Variants in NKAIN3 observed in about 807,000 individuals in gnomAD.
NKAIN3 encodes sodium/potassium transporting ATPase interacting 3, also known as sodium/potassium-transporting ATPase subunit beta-1-interacting protein 3.
A neutral mutation model predicts 30.2 loss-of-function variants in NKAIN3; 25 were observed. The observed-to-expected ratio is 0.83, with a 90% confidence interval of 0.60 to 1.16. The LOEUF is 1.16. NKAIN3 is among the 50% of genes most tolerant of loss of function. NKAIN3 has a pLI of 0.00. For synonymous variants in NKAIN3, 91 were observed against 89.6 expected, an observed-to-expected ratio of 1.02 and a Z score of -0.09; for missense variants, 225 against 254.1, an observed-to-expected ratio of 0.89 and a Z score of 0.78.
chr8:62,813,759 G>T (rs4554459), intron 4 of NKAIN3, among the ~76,000 whole-genome samples: 14,042 of 151,816 alleles, frequency 0.092, 674 homozygotes, highest in African/African-American at 0.1. Context: ...CTTCATAACT[G>T]GGCACGTTTT....
rs985260349 is a variant in NKAIN3, at chr8:62,978,812, G to A, written c.*13405G>A. 9.1e-5 allele frequency: 14 copies of A among 154,050 alleles called. No individual in the cohort carries two copies. The highest frequency in any genetic ancestry group is 1.8e-4 in the Non-Finnish European group (12 of 68,238). 9.5% of individuals were successfully genotyped at this position (154,050 alleles called of 1,614,324 possible). The stretch of plus-strand genomic sequence containing the variant: ...CAGTGTCTGCCCAAATGGCCACTCA[G>A]TTTTGTGCTTGAAATCCAGGGCCCT... On this transcript the variant is annotated 3_prime_UTR_variant, in exon 7 of 7. Transcript: ENST00000623646.
At chr8:62,766,937 T>G (rs1259946632) in intron 4 of NKAIN3, among the ~76,000 whole-genome samples, 1 of 136,832 alleles carries the variant, frequency 7.3e-6, no homozygotes, top group Non-Finnish European at 1.6e-5. Context: ...AGCATCACAG[T>G]AGCCAGTATG....
chr8:62,751,813 AC>A (rs1481599613), intron 4 of NKAIN3, among the ~76,000 whole-genome samples: 1 of 110,192 alleles, frequency 9.1e-6, no homozygotes, highest in African/African-American at 5.2e-5. Flanking sequence ...ATACTAAAAA[AC>A]TGTGTGTGTG....
chr8:62,310,114 T>C (rs1814380074), intron 1 of NKAIN3, among the ~76,000 whole-genome samples: 1 of 150,600 alleles, frequency 6.6e-6, no homozygotes, highest in South Asian at 2.1e-4. Context: ...TCATCTATTT[T>C]CAACTGCCTC....
chr8:62,988,233 C>T (rs1824243778), downstream of NKAIN3, among the ~76,000 whole-genome samples: 1 of 152,166 alleles, frequency 6.6e-6, no homozygotes, highest in Non-Finnish European at 1.5e-5. Flanking sequence ...TTTCCAGATG[C>T]ACAGTGCAAT....
intron 1 of NKAIN3, among the ~76,000 whole-genome samples, chr8:62,576,468 G>C (rs827681): frequency 0.9 from 137,371 of 152,032 alleles, 62,349 homozygotes; most frequent in African/African-American, 0.98. Flanking sequence ...AGTCCTCTAC[G>C]CTTCTGCCCT....
chr8:62,309,671 A>G (rs1207864068), intron 1 of NKAIN3, among the ~76,000 whole-genome samples: 1 of 150,360 alleles, frequency 6.7e-6, no homozygotes, highest in Non-Finnish European at 1.5e-5. Context: ...GTGTGTTTCT[A>G]TGATTTTCAG....
intron 1 of NKAIN3, among the ~76,000 whole-genome samples, chr8:62,518,645 G>C (rs1344849681): frequency 6.6e-6 from 1 of 151,772 alleles, no homozygotes; most frequent in Non-Finnish European, 1.5e-5. Flanking sequence ...AGTACATTAG[G>C]GATCAAAAGA....
At chr8:62,592,663 C>A (rs1228958677) in intron 3 of NKAIN3, among the ~76,000 whole-genome samples, 1 of 151,764 alleles carries the variant, frequency 6.6e-6, no homozygotes, top group Non-Finnish European at 1.5e-5. Flanking sequence ...GAGATTAGAA[C>A]AATGGATTTT....
Position 62,281,604 on chromosome 8 carries a change from C to G in NKAIN3, c.54+32477C>G, listed in dbSNP as rs12678803. Among the ~76,000 whole-genome samples, 577 of 152,232 alleles carry G rather than the reference C, an allele frequency of 3.8e-3. 5 individuals are homozygous for G. The highest frequency in any genetic ancestry group is 0.026 in the East Asian group (134 of 5,182). On this transcript the variant is annotated intron_variant, in intron 1 of 6. Coordinates refer to ENST00000623646, the MANE Select transcript of NKAIN3 (RefSeq NM_001304533.3). ...TGTTCTCATTGGTTTCAAAGAACATCTTTATTTCTAGCTTCATTTCGTCAT... is the reference window on the plus strand; with the variant it reads ...TGTTCTCATTGGTTTCAAAGAACATGTTTATTTCTAGCTTCATTTCGTCAT...
chr8:62,632,050 A>T (rs532498729), intron 3 of NKAIN3, among the ~76,000 whole-genome samples: 1 of 152,250 alleles, frequency 6.6e-6, no homozygotes, highest in East Asian at 1.9e-4. Flanking sequence ...CTTGTGGTAC[A>T]TTCAGAAACA....
At chr8:62,492,103 T>G (rs1000063188) in intron 1 of NKAIN3, among the ~76,000 whole-genome samples, 2 of 152,014 alleles carry the variant, frequency 1.3e-5, no homozygotes, top group African/African-American at 4.8e-5. Context: ...AAATGACAGG[T>G]GAAGTGGGGA....
chr8:62,818,793 C>T (rs1818766054), intron 4 of NKAIN3, among the ~76,000 whole-genome samples: 1 of 151,854 alleles, frequency 6.6e-6, no homozygotes, highest in African/African-American at 2.4e-5. Context: ...TTACAGCATC[C>T]CAGAGTATAT....
At chr8:62,521,739 A>G (rs1381730376) in intron 1 of NKAIN3, among the ~76,000 whole-genome samples, 3 of 152,172 alleles carry the variant, frequency 2.0e-5, no homozygotes, top group African/African-American at 7.2e-5. Flanking sequence ...AGATTCATTA[A>G]TGCAGAGAAC....
chr8:62,504,726 C>T (rs1669004451), intron 1 of NKAIN3, among the ~76,000 whole-genome samples: 1 of 152,138 alleles, frequency 6.6e-6, no homozygotes, highest in South Asian at 2.1e-4. Flanking sequence ...TAAAACCCTT[C>T]AGTAGCTCTG....
intron 4 of NKAIN3, among the ~76,000 whole-genome samples, chr8:62,830,053 G>A (rs1333802888): frequency 3.3e-5 from 5 of 152,090 alleles, no homozygotes; most frequent in Admixed American, 3.3e-4. Flanking sequence ...CAAAGGAGAA[G>A]CCAGAATCCT....
At chr8:62,569,545 T>G (rs1349559) in intron 1 of NKAIN3, among the ~76,000 whole-genome samples, 137,063 of 152,116 alleles carry the variant, frequency 0.9, 61,884 homozygotes, top group African/African-American at 0.95. Context: ...GGAGGCTGAG[T>G]TGGGCAGATT....
At chr8:62,520,688 T>G (rs1236802915) in intron 1 of NKAIN3, among the ~76,000 whole-genome samples, 1 of 152,042 alleles carries the variant, frequency 6.6e-6, no homozygotes, top group South Asian at 2.1e-4. Context: ...TTAAATAAAA[T>G]TTGAAGTTTG....
intron 4 of NKAIN3, among the ~76,000 whole-genome samples, chr8:62,842,399 G>T (rs1236718762): frequency 1.3e-5 from 2 of 151,900 alleles, no homozygotes; most frequent in Admixed American, 6.6e-5. Flanking sequence ...CATCTCTATG[G>T]ACTGAAATAA....
Sources: allele counts gnomAD v4.1 joint callset (sites outside exome capture counted in the v4.1 genomes callset), GRCh38; gene constraint gnomAD v4.1.1; transcripts MANE v1.5; gene names NCBI Gene and HGNC (gene_info 2026-07-23, HGNC 2026-07-21).